SPIB: variants seen among roughly 807,000 people sequenced by gnomAD.
The protein encoded by SPIB is transcription factor Spi-B.
A neutral mutation model predicts 31.9 loss-of-function variants in SPIB; 7 were observed. The observed-to-expected ratio is 0.22, with a 90% CI of 0.12 to 0.41. SPIB has a LOEUF of 0.41. Among genes scored for constraint, SPIB ranks in the 10% least tolerant of loss-of-function variants. SPIB has a pLI of 1.00. For synonymous variants in SPIB, 176 were observed against 158.9 expected (o/e 1.11, Z -0.81); for missense variants, 327 against 360.2 (o/e 0.91, Z 0.75).
At chr19:50,420,550 T>G (rs2039481580) in intron 2 of SPIB, among the ~76,000 whole-genome samples, 1 of 152,250 alleles carries the variant, frequency 6.6e-6, no homozygotes, top group Admixed American at 6.5e-5. Context: ...TCTGAAATAT[T>G]CCTTCCTGTC....
At chr19:50,427,951 C>A in intron 5 of SPIB, 87 bp from the exon 6 acceptor site, 1 of 1,379,858 alleles carries the variant, frequency 7.2e-7, no homozygotes, top group South Asian at 1.5e-5. Context: ...AGATGGAGGC[C>A]GGGGTGGAAG....
At position 50,422,811 on chromosome 19, in the gene SPIB, C is replaced by G. The variant is rs1306977933; in HGVS notation, c.125-12C>G. ...AGACATCCCAGCTTCTGACTCAGTG[C>G]CCTTCCCCCAGACTCCCTGTGGGAC... On this transcript the variant is annotated splice_polypyrimidine_tract_variant and intron_variant, in intron 3 of 5. Transcript: ENST00000595883. 6.6e-7 allele frequency: 1 copy of G among 1,523,848 alleles called. No homozygotes were observed. Among genetic ancestry groups the G allele is most frequent in the South Asian group, 1.2e-5 (1 of 81,712 alleles). 94.4% of individuals were successfully genotyped at this position (1,523,848 alleles called of 1,614,324 possible). A position where few individuals can be genotyped will look rare whatever the true frequency, so the allele number is the denominator to read the frequency against.
intron 1 of SPIB, 32 bp downstream of exon 1, chr19:50,419,017 G>T (rs750673739): frequency 5.5e-5 from 85 of 1,550,246 alleles, no homozygotes; most frequent in Non-Finnish European, 7.2e-5. Context: ...TGCACCCGGG[G>T]TCCCCACCTG....
In SPIB at chr19:50,423,094, C is replaced by G. The variant is rs538379006; in HGVS notation, c.339+57C>G. On this transcript the variant is annotated intron_variant, in intron 4 of 5. Coordinates refer to ENST00000595883, the MANE Select transcript of SPIB (RefSeq NM_003121.5). ...CCAAACCAGGTGTGGTGGTGCACGC[C>G]TGTAATCCCAGCTGCTTGAGAGGCT... 7 of 866,224 alleles carry G rather than the reference C, an allele frequency of 8.1e-6. No homozygotes were observed. In the African/African-American group the frequency reaches 1.1e-4, roughly 14 times the overall value. The allele number at this position is 866,224 out of a possible 1,614,324, so 53.7% of individuals were successfully genotyped here. A position where few individuals can be genotyped will look rare whatever the true frequency, so the allele number is the denominator to read the frequency against.
At chr19:50,421,061 G>A (rs1400570428) in intron 2 of SPIB, among the ~76,000 whole-genome samples, 1 of 152,188 alleles carries the variant, frequency 6.6e-6, no homozygotes, top group African/African-American at 2.4e-5. Flanking sequence ...TCTATGATCA[G>A]CCCACACCAC....
At chr19:50,420,981 T>G (rs1277521908) in intron 2 of SPIB, among the ~76,000 whole-genome samples, 1 of 152,204 alleles carries the variant, frequency 6.6e-6, no homozygotes, top group Non-Finnish European at 1.5e-5. Flanking sequence ...CCTTTTGGGG[T>G]CTGGCTTCCC....
chr19:50,423,543 G>A (rs535531952), intron 4 of SPIB, 62 bp from the exon 5 acceptor site: 5 of 1,582,708 alleles, frequency 3.2e-6, no homozygotes, highest in East Asian at 2.2e-5. Flanking sequence ...CTTGGCCTGA[G>A]AGGAGGAAGT....
At chr19:50,420,271 A>G (rs771513533) in intron 2 of SPIB, among the ~76,000 whole-genome samples, 3 of 152,110 alleles carry the variant, frequency 2.0e-5, no homozygotes, top group Non-Finnish European at 4.4e-5. Flanking sequence ...TGTGTTCTCT[A>G]ACAGTTCAGA....
chr19:50,419,059 C>T, intron 1 of SPIB, 74 bp downstream of exon 1: 1 of 1,524,592 alleles, frequency 6.6e-7, no homozygotes, highest in Admixed American at 2.0e-5. Context: ...CACCCATGGG[C>T]AGTGGTTTCT....
chr19:50,425,738 A>T (rs1276675419), intron 5 of SPIB, among the ~76,000 whole-genome samples: 4 of 152,276 alleles, frequency 2.6e-5, no homozygotes, highest in Admixed American at 6.5e-5. Context: ...CACCACACCC[A>T]GCCAGAAATA....
rs1265976131 is a variant in SPIB at position 50,428,816 on chromosome 19, C to T, written c.*480C>T. On this transcript the variant is annotated 3_prime_UTR_variant, in exon 6 of 6. Transcript: ENST00000595883. The surrounding 1 kb of genome is among the most constrained non-coding windows in gnomAD (Gnocchi z 6.5). ...TTCCCTCTTGTCAGATCTGAGATTTCCTAGTTATGTCTGGGGCCCTCTGGG... is the reference window on the plus strand; with the variant it reads ...TTCCCTCTTGTCAGATCTGAGATTTTCTAGTTATGTCTGGGGCCCTCTGGG... The T allele has an allele frequency of 6.2e-6, 1 of 161,362 alleles. No homozygotes were observed. The highest frequency in any genetic ancestry group is 1.3e-5 in the Non-Finnish European group (1 of 74,734). 10.0% of individuals were successfully genotyped at this position (161,362 alleles called of 1,614,324 possible).
chr19:50,419,020 C>T (rs1237339340), intron 1 of SPIB, 35 bp downstream of exon 1: 1 of 1,550,110 alleles, frequency 6.5e-7, no homozygotes, highest in Admixed American at 2.0e-5. Flanking sequence ...ACCCGGGGTC[C>T]CCACCTGCAC....
intron 3 of SPIB, 107 bp from the exon 4 acceptor site, chr19:50,422,716 G>T: frequency 9.2e-7 from 1 of 1,086,970 alleles, no homozygotes; most frequent in Non-Finnish European, 1.4e-6. Context: ...CAAATCCTGG[G>T]GTCAGAGATT....
chr19:50,420,315 C>T (rs1472894315), intron 2 of SPIB, among the ~76,000 whole-genome samples: 1 of 152,200 alleles, frequency 6.6e-6, no homozygotes, highest in Non-Finnish European at 1.5e-5. Context: ...CTTGAACCCA[C>T]AATCCAGTCT....
chr19:50,426,806 C>A (rs1057358820), intron 5 of SPIB, among the ~76,000 whole-genome samples: 1 of 151,802 alleles, frequency 6.6e-6, no homozygotes, highest in Non-Finnish European at 1.5e-5. Context: ...CCAACTTATA[C>A]TTTCGATGAA....
At chr19:50,425,944 C>T (rs1479761208) in intron 5 of SPIB, among the ~76,000 whole-genome samples, 1 of 152,116 alleles carries the variant, frequency 6.6e-6, no homozygotes, top group Admixed American at 6.6e-5. Flanking sequence ...CACAGTGGCT[C>T]ATGCCTATAA....
chr19:50,422,980 C>T lies in SPIB; in HGVS notation c.282C>T (p.Ser94=). Residue 94 remains serine, a synonymous_variant, in exon 4 of 6, where the codon AGC becomes AGT. Transcript: ENST00000595883. ...CAGGGAACCTCGAACTGGCCCCCAG[C>T]CTGGAGGCCCCGGGGCCTGGCCTCC... ...SPAGNLELAP[S]LEAPGPGLPA... 2 of 1,574,750 alleles carry T rather than the reference C, an allele frequency of 1.3e-6. No individual in the cohort carries two copies. The highest frequency in any genetic ancestry group is 1.8e-5 in the Admixed American group (1 of 54,514).
intron 5 of SPIB, among the ~76,000 whole-genome samples, chr19:50,424,921 T>G (rs1290170056): frequency 2.6e-5 from 4 of 151,520 alleles, no homozygotes; most frequent in Admixed American, 2.0e-4. Context: ...ATTGCACCAC[T>G]GGACTCCAGC....
In SPIB at chr19:50,422,467, T is replaced by TATC; in HGVS notation, c.52-4_52-2dup. The stretch of plus-strand genomic sequence containing the variant: ...GACCCCTCTTCCCTCCTGCACCCCG[T>TATC]ATCAGTACCCAGATGGCGTCTTCTA... On this transcript the variant is annotated splice_polypyrimidine_tract_variant and splice_region_variant and intron_variant, in intron 2 of 5. Transcript: ENST00000595883. 6.2e-7 allele frequency: 1 copy of TATC among 1,613,878 alleles called. No homozygotes were observed. The highest frequency in any genetic ancestry group is 8.5e-7 in the Non-Finnish European group (1 of 1,179,824).
Sources: allele counts gnomAD v4.1 joint callset (sites outside exome capture counted in the v4.1 genomes callset), GRCh38; gene constraint gnomAD v4.1.1; non-coding constraint Gnocchi (gnomAD v3.1); transcripts MANE v1.5; gene names NCBI Gene and HGNC (gene_info 2026-07-23, HGNC 2026-07-21).